DLGAP2: variants seen among roughly 807,000 people sequenced by gnomAD.
DLGAP2 encodes disks large-associated protein 2.
DLGAP2 carries 26 observed loss-of-function variants against 100.3 expected under a neutral mutation model. That is an observed-to-expected ratio of 0.26 (90% CI 0.19 to 0.36). The LOEUF (loss-of-function observed/expected upper bound fraction) is 0.36. DLGAP2 is among the 10% of genes least tolerant of loss of function. The probability of loss-of-function intolerance (pLI) is 1.00; values close to 1 mark genes in which losing one functional copy is unlikely to be tolerated. For missense variants in DLGAP2, 1,858 were observed against 1,453.2 expected, an observed-to-expected ratio of 1.28 and a Z score of -4.53; for synonymous variants, 886 against 630.1, an observed-to-expected ratio of 1.41 and a Z score of -6.08.
At chr8:1,327,394 G>A (rs1801046124) in intron 3 of DLGAP2, among the ~76,000 whole-genome samples, 1 of 152,310 alleles carries the variant, frequency 6.6e-6, no homozygotes, top group South Asian at 2.1e-4. Flanking sequence ...TCATGAGAAT[G>A]ATGTATGCCT....
At chr8:745,247 C>T (rs903438702) in intron 1 of DLGAP2, among the ~76,000 whole-genome samples, 10 of 152,074 alleles carry the variant, frequency 6.6e-5, no homozygotes, top group Admixed American at 3.3e-4. Context: ...AGCAAATTTC[C>T]GAACATCTGT....
At chr8:834,137 C>G (rs576502838) in intron 1 of DLGAP2, among the ~76,000 whole-genome samples, 1 of 152,190 alleles carries the variant, frequency 6.6e-6, no homozygotes, top group Non-Finnish European at 1.5e-5. Context: ...AAGCTCGTCT[C>G]AGGATGCGAT....
At chr8:1,178,221 C>T (rs968734014) in intron 2 of DLGAP2, among the ~76,000 whole-genome samples, 5 of 152,210 alleles carry the variant, frequency 3.3e-5, no homozygotes, top group Non-Finnish European at 7.3e-5. Flanking sequence ...CAGGTAATGT[C>T]CCAGAGATGA....
intron 3 of DLGAP2, among the ~76,000 whole-genome samples, chr8:1,375,087 C>T (rs1363529271): frequency 1.4e-5 from 2 of 147,950 alleles, no homozygotes; most frequent in Non-Finnish European, 3.0e-5. Context: ...CTCTCCACGA[C>T]CTCAGAACTG....
intron 2 of DLGAP2, among the ~76,000 whole-genome samples, chr8:1,205,806 C>A (rs1797977411): frequency 6.6e-6 from 1 of 152,168 alleles, no homozygotes. Flanking sequence ...AGGAGGACTT[C>A]AGTCCGCCTG....
chr8:1,348,660 T>C (rs1367698021), intron 3 of DLGAP2, among the ~76,000 whole-genome samples: 3 of 152,126 alleles, frequency 2.0e-5, no homozygotes, highest in African/African-American at 4.8e-5. Context: ...GCTCTCATGG[T>C]GGCTGTGTGG....
chr8:1,475,507 G>GC (rs775678923), intron 3 of DLGAP2, among the ~76,000 whole-genome samples: 16 of 152,254 alleles, frequency 1.1e-4, no homozygotes, highest in Middle Eastern at 6.8e-3. Context: ...CTTTGGAGGT[G>GC]CCCCGCTGAT....
intron 2 of DLGAP2, among the ~76,000 whole-genome samples, chr8:993,759 T>C (rs560366580): frequency 2.0e-5 from 3 of 150,886 alleles, no homozygotes; most frequent in African/African-American, 7.3e-5. Context: ...ATGCAGACTT[T>C]AAGACACCAT....
chr8:958,581 CCAAA>C (rs1476462521), intron 2 of DLGAP2, among the ~76,000 whole-genome samples: 60 of 78,034 alleles, frequency 7.7e-4, no homozygotes, highest in African/African-American at 2.9e-3. Context: ...AACTAGACCT[CCAAA>C]AAAAAAAAAA....
intron 3 of DLGAP2, among the ~76,000 whole-genome samples, chr8:1,262,982 T>C (rs1192677628): frequency 2.0e-5 from 3 of 152,178 alleles, no homozygotes; most frequent in South Asian, 4.1e-4. Context: ...TAATGATGCC[T>C]GGTGGGGCCG....
At chr8:1,489,468 C>G (rs937390334) in intron 3 of DLGAP2, among the ~76,000 whole-genome samples, 1 of 152,200 alleles carries the variant, frequency 6.6e-6, no homozygotes, top group African/African-American at 2.4e-5. Flanking sequence ...AGGAAGGAAG[C>G]TGTACGTCTT....
intron 8 of DLGAP2, among the ~76,000 whole-genome samples, chr8:1,641,539 C>A (rs574881588): frequency 6.6e-6 from 1 of 152,136 alleles, no homozygotes; most frequent in East Asian, 1.9e-4. Context: ...GCCACGGGTT[C>A]CTGACTCATA....
chr8:1,511,887 A>G (rs1358147474), intron 4 of DLGAP2, among the ~76,000 whole-genome samples: 1 of 152,262 alleles, frequency 6.6e-6, no homozygotes, highest in Non-Finnish European at 1.5e-5. Context: ...TAGGAATTGG[A>G]AAGAGAAACA....
At chr8:1,144,349 C>T (rs931739801) in intron 2 of DLGAP2, among the ~76,000 whole-genome samples, 6 of 152,182 alleles carry the variant, frequency 3.9e-5, no homozygotes, top group African/African-American at 7.2e-5. Context: ...AGGGAGGCCA[C>T]GTCCTAAAGT....
At chr8:1,246,514 TTCA>T (rs2116869828) in intron 2 of DLGAP2, among the ~76,000 whole-genome samples, 1 of 152,336 alleles carries the variant, frequency 6.6e-6, no homozygotes, top group Admixed American at 6.5e-5. Flanking sequence ...GATTTGGGAA[TTCA>T]TCATGCTCTT....
intron 6 of DLGAP2, among the ~76,000 whole-genome samples, chr8:1,592,585 T>C (rs1796324847): frequency 6.6e-6 from 1 of 152,134 alleles, no homozygotes; most frequent in South Asian, 2.1e-4. Flanking sequence ...CACCACGGAT[T>C]TCCTTTTCAG....
intron 1 of DLGAP2, among the ~76,000 whole-genome samples, chr8:861,129 A>G (rs372490200): frequency 3.6e-4 from 55 of 152,256 alleles, no homozygotes; most frequent in Middle Eastern, 6.8e-3. Context: ...GCAGGGCTCA[A>G]TCTGGGAAAA....
intron 2 of DLGAP2, among the ~76,000 whole-genome samples, chr8:1,075,282 A>T (rs1803571068): frequency 1.3e-5 from 2 of 152,124 alleles, no homozygotes; most frequent in African/African-American, 4.8e-5. Context: ...TGAGGGAAGG[A>T]AAAGTTGAGC....
intron 2 of DLGAP2, among the ~76,000 whole-genome samples, chr8:1,127,306 C>T (rs1057515178): frequency 6.6e-6 from 1 of 151,916 alleles, no homozygotes; most frequent in Non-Finnish European, 1.5e-5. Flanking sequence ...CCATTCTCTT[C>T]CTGAGTGCTA....
Sources: gnomAD v4.1 joint callset for allele counts (sites outside exome capture counted in the v4.1 genomes callset) on GRCh38, gnomAD v4.1.1 for gene constraint, MANE v1.5 for transcripts, NCBI Gene and HGNC (gene_info 2026-07-23, HGNC 2026-07-21) for gene names.